NMT2: variants seen among roughly 807,000 people sequenced by gnomAD.
NMT2 encodes glycylpeptide N-tetradecanoyltransferase 2.
A neutral mutation model predicts 65.4 loss-of-function variants in NMT2; 35 were observed. That is an observed-to-expected ratio of 0.54 (90% confidence interval 0.41 to 0.71). The LOEUF (loss-of-function observed/expected upper bound fraction) is 0.71, where lower values mean the gene tolerates loss of function less well. NMT2 is among the 30% of genes least tolerant of loss of function. The pLI is 0.00. For missense variants in NMT2, 489 were observed against 611.3 expected (o/e 0.80, Z 2.11); for synonymous variants, 226 against 231.8 (o/e 0.98, Z 0.23).
At chr10:15,164,557 C>T (rs534399161) in intron 1 of NMT2, among the ~76,000 whole-genome samples, 1 of 152,224 alleles carries the variant, frequency 6.6e-6, no homozygotes, top group Non-Finnish European at 1.5e-5. Flanking sequence ...CTGGAGAAGC[C>T]GGACATCAAA....
At chr10:15,144,394 G>A (rs1161038601) in intron 1 of NMT2, among the ~76,000 whole-genome samples, 1 of 152,102 alleles carries the variant, frequency 6.6e-6, no homozygotes, top group African/African-American at 2.4e-5. Flanking sequence ...AATAAGAGCT[G>A]ACCAGTGCAC....
At chr10:15,152,634 G>C (rs1832843104) in intron 1 of NMT2, among the ~76,000 whole-genome samples, 1 of 152,218 alleles carries the variant, frequency 6.6e-6, no homozygotes, top group South Asian at 2.1e-4. Context: ...GATGGGGCCA[G>C]GCCCAGGACA....
intron 1 of NMT2, among the ~76,000 whole-genome samples, chr10:15,158,834 G>A (rs908057761): frequency 6.6e-6 from 1 of 151,986 alleles, no homozygotes; most frequent in African/African-American, 2.4e-5. Flanking sequence ...CCTTATTCTT[G>A]GCAGAGCAAC....
At chr10:15,120,633 T>A (rs551861410) in intron 8 of NMT2, among the ~76,000 whole-genome samples, 1 of 152,308 alleles carries the variant, frequency 6.6e-6, no homozygotes, top group South Asian at 2.1e-4. Flanking sequence ...GTCTGACATT[T>A]TGAAAATACA....
chr10:15,154,677 A>T, intron 1 of NMT2: 1 of 445,880 alleles, frequency 2.2e-6, no homozygotes, highest in Non-Finnish European at 4.2e-6. Flanking sequence ...CATGGAACCC[A>T]AAGGGAAATG....
rs921891199 is a variant in NMT2, at chr10:15,113,385, G to A, written c.1171-422C>T. 7.7e-5 allele frequency among the ~76,000 whole-genome samples: 11 copies of A among 142,774 alleles called. 1 individual carries two copies. The highest frequency in any genetic ancestry group is 5.2e-4 in the Admixed American group (7 of 13,566). The allele number at this position is 142,774 out of a possible 152,430, so 93.7% of individuals were successfully genotyped here. On this transcript the variant is annotated intron_variant, in intron 9 of 11. Coordinates refer to ENST00000378165, the MANE Select transcript of NMT2 (RefSeq NM_004808.3). ...CTTGGGAGGCTGAGGCTGGAGAATC[G>A]CTTGAACCCCAGAGGCGGAGGTTGC...
At chr10:15,129,735 C>G (rs965889864) in intron 7 of NMT2, among the ~76,000 whole-genome samples, 1 of 151,838 alleles carries the variant, frequency 6.6e-6, no homozygotes, top group Non-Finnish European at 1.5e-5. Context: ...ATGGTGAAAC[C>G]CTGTCTCTAC....
At chr10:15,147,635 G>GA (rs113883663) in intron 1 of NMT2, among the ~76,000 whole-genome samples, 3,325 of 145,238 alleles carry the variant, frequency 0.023, 58 homozygotes, top group African/African-American at 0.049. Flanking sequence ...CCCACAACAT[G>GA]AAAAAAAAAA....
At chr10:15,152,547 C>T (rs79574868) in intron 1 of NMT2, among the ~76,000 whole-genome samples, 3 of 152,312 alleles carry the variant, frequency 2.0e-5, no homozygotes, top group Non-Finnish European at 2.9e-5. Context: ...TCTGATGAGT[C>T]CCTGATACAT....
At chr10:15,167,054 C>A (rs1833400086) in intron 1 of NMT2, among the ~76,000 whole-genome samples, 1 of 152,156 alleles carries the variant, frequency 6.6e-6, no homozygotes, top group Non-Finnish European at 1.5e-5. Context: ...CACCTGGGCC[C>A]ATTTCTGGCA....
At chr10:15,142,624 G>C (rs61844186) in intron 1 of NMT2, among the ~76,000 whole-genome samples, 17 of 152,304 alleles carry the variant, frequency 1.1e-4, no homozygotes, top group Non-Finnish European at 2.4e-4. Flanking sequence ...ATAGAAAACA[G>C]TGCTTATTTT....
chr10:15,152,144 G>C (rs1588449022), intron 1 of NMT2, among the ~76,000 whole-genome samples: 1 of 152,244 alleles, frequency 6.6e-6, no homozygotes, highest in Non-Finnish European at 1.5e-5. Context: ...CCAGAGATGA[G>C]AGACGGAGAA....
intron 2 of NMT2, among the ~76,000 whole-genome samples, chr10:15,136,895 G>C (rs547448481): frequency 1.3e-5 from 2 of 150,986 alleles, no homozygotes; most frequent in East Asian, 3.9e-4. Flanking sequence ...CTTGAAATGA[G>C]AAGACAGCGC....
chr10:15,138,106 G>A (rs1358846918), intron 2 of NMT2, among the ~76,000 whole-genome samples: 1 of 151,502 alleles, frequency 6.6e-6, no homozygotes, highest in South Asian at 2.1e-4. Flanking sequence ...CGCCTCCTGG[G>A]TTCAAGTGAT....
intron 6 of NMT2, among the ~76,000 whole-genome samples, chr10:15,132,561 G>A (rs578255366): frequency 1.3e-5 from 2 of 152,114 alleles, no homozygotes; most frequent in South Asian, 4.2e-4. Context: ...CTGAGTAGGT[G>A]GGATTACAGG....
intron 1 of NMT2, among the ~76,000 whole-genome samples, chr10:15,152,769 G>A (rs977882119): frequency 1.3e-5 from 2 of 152,188 alleles, no homozygotes; most frequent in Non-Finnish European, 2.9e-5. Context: ...CCAAGGGAGG[G>A]TTAGTGAAGG....
chr10:15,145,402 C>T (rs1846927642), intron 1 of NMT2, among the ~76,000 whole-genome samples: 1 of 152,142 alleles, frequency 6.6e-6, no homozygotes, highest in African/African-American at 2.4e-5. Context: ...GTATTTGAGA[C>T]AGAGTCTCAC....
chr10:15,119,012 A>C (rs1018121580), intron 9 of NMT2, among the ~76,000 whole-genome samples: 2 of 152,228 alleles, frequency 1.3e-5, no homozygotes, highest in African/African-American at 4.8e-5. Context: ...CTTGTTGACA[A>C]GTTACCATCA....
chr10:15,135,889 A>G (rs1267833538), intron 2 of NMT2, among the ~76,000 whole-genome samples: 2 of 151,304 alleles, frequency 1.3e-5, no homozygotes, highest in Non-Finnish European at 3.0e-5. Flanking sequence ...GGGGAGGGAA[A>G]GAAGAGAGAG....
Sources: gnomAD v4.1 joint callset for allele counts (sites outside exome capture counted in the v4.1 genomes callset) on GRCh38, gnomAD v4.1.1 for gene constraint, MANE v1.5 for transcripts, NCBI Gene and HGNC (gene_info 2026-07-23, HGNC 2026-07-21) for gene names.